The following CDH3 variants were observed in gnomAD, a reference collection of about 807,000 sequenced individuals.
The protein encoded by CDH3 is cadherin 3.
In CDH3, 54 loss-of-function variants were observed where a neutral mutation model predicts 82.0. The ratio of observed to expected loss-of-function variants is 0.66; its 90% CI spans 0.53 to 0.83. The LOEUF (loss-of-function observed/expected upper bound fraction) is 0.83. Among genes scored for constraint, CDH3 ranks in the 40% least tolerant of loss-of-function variants. The pLI, the probability that CDH3 is intolerant of heterozygous loss-of-function variation, is 0.00. For missense variants in CDH3, 1,054 were observed against 1,084.6 expected (o/e 0.97, Z 0.40); for synonymous variants, 446 against 437.9 (o/e 1.02, Z -0.23).
intron 7 of CDH3, among the ~76,000 whole-genome samples, 197 bp downstream of exon 7, chr16:68,680,171 C>T (rs1168147251): frequency 1.3e-5 from 2 of 152,248 alleles, no homozygotes; most frequent in Non-Finnish European, 2.9e-5. Flanking sequence ...GCCAGCCAAT[C>T]TCGTTAAATC....
At chr16:68,663,351 C>T (rs1176328838) in intron 2 of CDH3, among the ~76,000 whole-genome samples, 1 of 151,996 alleles carries the variant, frequency 6.6e-6, no homozygotes, top group Non-Finnish European at 1.5e-5. Flanking sequence ...CTGCCTCAGC[C>T]TCCCAAGTAG....
rs370890880 is a variant in CDH3, at chr16:68,656,029, G to A, written c.160+10279G>A. On this transcript the variant is annotated intron_variant, in intron 2 of 15. Transcript: ENST00000264012. ...AGTTGGGCATGAGAGGTGGCATAGA[G>A]TGTTCTGGCAGAGGAACAACACCAG... 2.6e-5 allele frequency among the ~76,000 whole-genome samples: 4 copies of A among 152,308 alleles called. No individual in the cohort carries two copies. In the East Asian group the frequency reaches 7.7e-4, roughly 29 times the overall value.
chr16:68,685,427 C>G, intron 11 of CDH3, 77 bp downstream of exon 11: 2 of 1,495,050 alleles, frequency 1.3e-6, no homozygotes, highest in Non-Finnish European at 1.9e-6. Flanking sequence ...AGCATGTTTC[C>G]TCCACAGGTG....
downstream of CDH3, among the ~76,000 whole-genome samples, chr16:68,701,188 C>T (rs572887773): frequency 6.6e-6 from 1 of 152,278 alleles, no homozygotes; most frequent in East Asian, 1.9e-4. Flanking sequence ...CCAGCCTCAA[C>T]TGGCCTCGGT....
intron 2 of CDH3, among the ~76,000 whole-genome samples, chr16:68,723,158 C>A (rs554480268): frequency 6.6e-6 from 1 of 151,766 alleles, no homozygotes; most frequent in Non-Finnish European, 1.5e-5. Flanking sequence ...ATTATGAACT[C>A]ACCACTCAGC....
intron 2 of CDH3, among the ~76,000 whole-genome samples, chr16:68,647,676 A>C (rs1960116881): frequency 6.6e-6 from 1 of 152,052 alleles, no homozygotes; most frequent in Admixed American, 6.6e-5. Flanking sequence ...GTAAAAGTGC[A>C]TTTCTTGGTC....
chr16:68,649,818 G>A (rs924646833), intron 2 of CDH3, among the ~76,000 whole-genome samples: 3 of 152,148 alleles, frequency 2.0e-5, no homozygotes, highest in Non-Finnish European at 2.9e-5. Flanking sequence ...CAGATCACAT[G>A]AGGCCAGGAG....
intron 13 of CDH3, among the ~76,000 whole-genome samples, chr16:68,692,941 C>T (rs1597818377): frequency 6.6e-6 from 1 of 152,140 alleles, no homozygotes; most frequent in Admixed American, 6.5e-5. Flanking sequence ...CCTGTCTCTA[C>T]TGAAAATACA....
intron 2 of CDH3, 62 bp downstream of exon 2, chr16:68,645,812 G>A (rs2152087552): frequency 7.8e-7 from 1 of 1,278,856 alleles, no homozygotes; most frequent in East Asian, 2.5e-5. Context: ...GGTGTGGACC[G>A]CGCGAGGGGT....
At position 68,680,962 on chromosome 16, in the gene CDH3, C is replaced by T. The variant is rs1404485824; in HGVS notation, c.868-6C>T. 2 of 1,613,922 alleles carry T rather than the reference C, an allele frequency of 1.2e-6. No homozygotes were observed. Among genetic ancestry groups the T allele is most frequent in the African/African-American group, 2.7e-5 (2 of 74,914 alleles). ...ACAATGGGCTTCCCCTCTCCTTTCT[C>T]CCCAGAAAGTCCCTGAGTACACACT... is the stretch of plus-strand genomic sequence containing the variant. On this transcript the variant is annotated splice_polypyrimidine_tract_variant and splice_region_variant and intron_variant, in intron 7 of 15. Coordinates refer to ENST00000264012, the MANE Select transcript of CDH3 (RefSeq NM_001793.6).
At chr16:68,675,930 A>G (rs1004677510) in intron 2 of CDH3, among the ~76,000 whole-genome samples, 8 of 152,198 alleles carry the variant, frequency 5.3e-5, no homozygotes, top group Non-Finnish European at 1.0e-4. Context: ...GTAGCCAAGC[A>G]TTGGGGATTC....
chr16:68,708,790 C>T (rs536023009), intron 1 of CDH3, among the ~76,000 whole-genome samples: 3 of 152,068 alleles, frequency 2.0e-5, no homozygotes, highest in Admixed American at 6.6e-5. Context: ...ATTACAGGCA[C>T]CTGCCACCAC....
intron 15 of CDH3, 176 bp downstream of exon 15, chr16:68,696,099 A>G (rs1961714749): frequency 5.5e-6 from 4 of 726,038 alleles, no homozygotes; most frequent in Middle Eastern, 2.4e-4. Flanking sequence ...TTCTTCCTCC[A>G]TAGAACTCAC....
At chr16:68,697,899 A>G (rs570614690) in intron 15 of CDH3, among the ~76,000 whole-genome samples, 15 of 152,322 alleles carry the variant, frequency 9.8e-5, no homozygotes, top group Non-Finnish European at 2.2e-4. Flanking sequence ...AAACAGGCAT[A>G]GAGTGGTTAA....
chr16:68,698,251 G>A lies in CDH3; in HGVS notation c.2341G>A (p.Asp781Asn), dbSNP rs935068731. The change falls in exon 16 of 16, where the codon GAC becomes AAC. Residue 781 changes from aspartate to asparagine, a missense_variant. Asp to Asn is a conservative substitution (Grantham distance 23). Transcript: ENST00000264012. ...APPYDTLLVF[D>N]YEGSGSDAAS... The stretch of plus-strand genomic sequence containing the variant: ...GCCCTACGACACCCTCTTGGTGTTC[G>A]ACTATGAGGGCAGCGGCTCCGACGC... The A allele has an allele frequency of 8.1e-6, 13 of 1,614,086 alleles. No homozygotes were observed. The African/African-American group carries it at 9.3e-5, about 12-fold the overall frequency.
intron 2 of CDH3, among the ~76,000 whole-genome samples, chr16:68,670,172 C>G (rs952411359): frequency 6.9e-6 from 1 of 143,960 alleles, no homozygotes; most frequent in Non-Finnish European, 1.5e-5. Context: ...TGCAGTGAGC[C>G]GAGATTGCGC....
chr16:68,696,156 C>A, intron 15 of CDH3: 1 of 554,286 alleles, frequency 1.8e-6, no homozygotes, highest in Non-Finnish European at 3.3e-6. Context: ...CACGGTGCCT[C>A]ACGCCTGTAA....
At chr16:68,702,912 A>G (rs1597825279), downstream of CDH3, among the ~76,000 whole-genome samples, 1 of 151,656 alleles carries the variant, frequency 6.6e-6, no homozygotes, top group Admixed American at 6.6e-5. Flanking sequence ...AGGGGTACCC[A>G]GAGAGCCTTC....
intron 2 of CDH3, among the ~76,000 whole-genome samples, chr16:68,724,538 A>G (rs8044857): frequency 0.85 from 129,374 of 151,424 alleles, 55,449 homozygotes; most frequent in Non-Finnish European, 0.89. Flanking sequence ...GACGCAGGAG[A>G]ATCACTTGGG....
Sources: allele counts gnomAD v4.1 joint callset (sites outside exome capture counted in the v4.1 genomes callset), GRCh38; gene constraint gnomAD v4.1.1; transcripts MANE v1.5; gene names NCBI Gene and HGNC (gene_info 2026-07-23, HGNC 2026-07-21).